Variants in PFKFB1 observed in about 807,000 individuals in gnomAD.
The protein encoded by PFKFB1 is 6-phosphofructo-2-kinase/fructose-2,6-biphosphatase 1.
A neutral mutation model predicts 46.4 loss-of-function variants in PFKFB1; 34 were observed. That is an observed-to-expected ratio of 0.73 (90% CI 0.56 to 0.98). PFKFB1 has a LOEUF of 0.98. PFKFB1 is among the 50% of genes least tolerant of loss of function. The pLI is 0.00. For missense variants in PFKFB1, 393 were observed against 376.3 expected, an observed-to-expected ratio of 1.04 and a Z score of -0.37; for synonymous variants, 119 against 133.8, an observed-to-expected ratio of 0.89 and a Z score of 0.76.
At chrX:54,971,666 C>T (rs1348404361) in intron 1 of PFKFB1, among the ~76,000 whole-genome samples, 2 of 111,774 alleles carry the variant, frequency 1.8e-5, no homozygotes, top group Non-Finnish European at 3.8e-5. Context: ...GGCATTATTT[C>T]TGAGGGCTCT....
Position 54,963,363 on chromosome X carries a change from G to A in PFKFB1, c.117C>T (p.Thr39=), listed in dbSNP as rs1403031398. The A allele has an allele frequency of 5.0e-6, 6 of 1,209,275 alleles. No individual in the cohort carries two copies. The highest frequency in any genetic ancestry group is 3.0e-5 in the East Asian group (1 of 33,812). Residue 39 remains threonine, a synonymous_variant, in exon 2 of 14, where the codon ACC becomes ACT. Coordinates refer to ENST00000375006, the MANE Select transcript of PFKFB1 (RefSeq NM_002625.4). The part of the protein sequence containing the change: ...RRRGSSIPQF[T]NSPTMVIMVG... ...CCATGATCACCATTGTGGGGGAATTGGTAAACTGGGGTATGGATGCTGAAA... is the reference window on the plus strand; with the variant it reads ...CCATGATCACCATTGTGGGGGAATTAGTAAACTGGGGTATGGATGCTGAAA...
chrX:54,951,422 C>T (rs1453083154), intron 8 of PFKFB1, among the ~76,000 whole-genome samples: 1 of 111,995 alleles, frequency 8.9e-6, no homozygotes, highest in Non-Finnish European at 1.9e-5. Context: ...GGGACAGGGG[C>T]TGCCAGTGTG....
Position 54,951,965 on chromosome X carries a change from A to C in PFKFB1, c.786T>G (p.Ser262Arg). 6 of 1,209,992 alleles carry C rather than the reference A, an allele frequency of 5.0e-6. No homozygotes were observed. Among genetic ancestry groups the C allele is most frequent in the Non-Finnish European group, 4.5e-6 (4 of 894,579 alleles). The stretch of plus-strand genomic sequence containing the variant: ...CGATGCGGCCTCTGATGTTGAGTTC[A>C]CTCTCGCCATGTCGGCAAAGGTAGA... ...RSIYLCRHGE[S>R]ELNIRGRIGG... The change falls in exon 8 of 14, where the codon AGT (serine) becomes AGG (arginine). Residue 262 changes from serine to arginine, a missense_variant. Physicochemically the swap from Ser to Arg is moderately radical, Grantham distance 110. Transcript: ENST00000375006.
chrX:54,980,240 G>A (rs763841266), intron 1 of PFKFB1, among the ~76,000 whole-genome samples: 1 of 111,091 alleles, frequency 9.0e-6, no homozygotes, highest in East Asian at 2.9e-4. Context: ...AAGCCACTAC[G>A]TTTTGAGGTT....
intron 1 of PFKFB1, among the ~76,000 whole-genome samples, chrX:54,982,713 T>A (rs1935025587): frequency 9.0e-6 from 1 of 111,184 alleles, no homozygotes; most frequent in Non-Finnish European, 1.9e-5. Flanking sequence ...ACCAATCCTC[T>A]GCAGATACTG....
At chrX:54,944,814 A>G (rs972840408) in intron 10 of PFKFB1, among the ~76,000 whole-genome samples, 2 of 112,475 alleles carry the variant, frequency 1.8e-5, no homozygotes, top group African/African-American at 6.4e-5. Context: ...AAAGTGTTGT[A>G]TAACTGAATA....
chrX:54,980,748 C>CAA (rs1934963625), intron 1 of PFKFB1, among the ~76,000 whole-genome samples: 1 of 109,768 alleles, frequency 9.1e-6, no homozygotes, highest in Non-Finnish European at 1.9e-5. Flanking sequence ...CACACACACA[C>CAA]ACACACACGA....
At chrX:54,986,644 TCAA>T (rs1255999989) in intron 1 of PFKFB1, among the ~76,000 whole-genome samples, 2 of 111,442 alleles carry the variant, frequency 1.8e-5, no homozygotes, top group African/African-American at 3.3e-5. Flanking sequence ...ACATAGAAGA[TCAA>T]CAACAGGGAA....
chrX:54,946,693 T>C (rs1384552777), intron 9 of PFKFB1, among the ~76,000 whole-genome samples: 2 of 112,212 alleles, frequency 1.8e-5, no homozygotes, highest in African/African-American at 3.2e-5. Context: ...CTGTCGCCTA[T>C]GGAAATGGTC....
chrX:54,936,566 A>G (rs1235376855), intron 11 of PFKFB1, among the ~76,000 whole-genome samples: 1 of 111,458 alleles, frequency 9.0e-6, no homozygotes, highest in Non-Finnish European at 1.9e-5. Flanking sequence ...TGGGTCTCCC[A>G]TTTCCTCATC....
intron 10 of PFKFB1, among the ~76,000 whole-genome samples, chrX:54,944,626 C>T (rs999334744): frequency 9.0e-6 from 1 of 111,621 alleles, no homozygotes; most frequent in Non-Finnish European, 1.9e-5. Flanking sequence ...AAAGGATTAT[C>T]GAGGAGAAAG....
chrX:54,963,436 G>T, intron 1 of PFKFB1, 54 bp from the exon 2 acceptor site: 1 of 1,144,080 alleles, frequency 8.7e-7, no homozygotes, highest in Admixed American at 2.3e-5. Context: ...AGGCTCTTCT[G>T]GTATTAGGCC....
At chrX:54,986,504 G>A (rs1341213888) in intron 1 of PFKFB1, among the ~76,000 whole-genome samples, 2 of 111,489 alleles carry the variant, frequency 1.8e-5, no homozygotes, top group Admixed American at 9.6e-5. Flanking sequence ...AAGTATAAAC[G>A]TATATGCCTA....
chrX:54,951,085 C>A (rs1379740155), intron 8 of PFKFB1, among the ~76,000 whole-genome samples: 1 of 113,166 alleles, frequency 8.8e-6, no homozygotes, highest in Non-Finnish European at 1.9e-5. Flanking sequence ...AACAACTGTC[C>A]TTCCTGCACT....
chrX:54,977,733 G>C (rs751022403), intron 1 of PFKFB1, among the ~76,000 whole-genome samples: 42 of 110,670 alleles, frequency 3.8e-4, no homozygotes, highest in African/African-American at 1.3e-3. Context: ...TCAATTACAG[G>C]AACCATGGTT....
Position 54,958,892 on chromosome X carries a change from G to A in PFKFB1, c.418C>T (p.Arg140Trp), listed in dbSNP as rs747113593. The part of the protein sequence containing the change: ...FDATNTTRER[R>W]SLILQFAKEH... The stretch of plus-strand genomic sequence containing the variant: ...TTTGCAAACTGCAGGATCAGTGACC[G>A]TCGTTCTCTGGTAGTGTTGGTGGCA... Residue 140 changes from arginine (R) to tryptophan (W), a missense_variant, in exon 5 of 14, where the codon CGG (arginine) becomes TGG (tryptophan). Coordinates refer to ENST00000375006, the MANE Select transcript of PFKFB1 (RefSeq NM_002625.4). 14 of 1,196,231 alleles carry A rather than the reference G, an allele frequency of 1.2e-5. No individual in the cohort carries two copies. In the African/African-American group the frequency reaches 1.6e-4, roughly 14 times the overall value.
upstream of PFKFB1, chrX:54,994,197 C>A: frequency 1.9e-6 from 2 of 1,056,044 alleles, no homozygotes; most frequent in African/African-American, 1.9e-5. Flanking sequence ...CTGGTCCTAG[C>A]CTGCCTCTGC....
rs754553897 is a variant in PFKFB1 at position 54,963,297 on chromosome X, C to A, written c.183G>T (p.Lys61Asn). Residue 61 changes from lysine (K) to asparagine (N), a missense_variant, in exon 2 of 14, where the codon AAG becomes AAT. Coordinates refer to ENST00000375006, the MANE Select transcript of PFKFB1 (RefSeq NM_002625.4). ...PARGKTYIST[K>N]LTRYLNWIGT... ...CTATCCAGTTGAGATATCGTGTGAG[C>A]TTTGTGGAGATATAGGTCTTGCCTC... 5.8e-6 allele frequency: 7 copies of A among 1,209,125 alleles called. No individual in the cohort carries two copies. In the South Asian group the frequency reaches 8.8e-5, roughly 15 times the overall value.
intron 1 of PFKFB1, among the ~76,000 whole-genome samples, chrX:54,992,445 C>T (rs1254826059): frequency 9.0e-6 from 1 of 111,509 alleles, no homozygotes; most frequent in Non-Finnish European, 1.9e-5. Context: ...AGAGAGTTGT[C>T]CAAGGTCACA....
Sources: allele counts gnomAD v4.1 joint callset (sites outside exome capture counted in the v4.1 genomes callset), GRCh38; gene constraint gnomAD v4.1.1; transcripts MANE v1.5; gene names NCBI Gene and HGNC (gene_info 2026-07-23, HGNC 2026-07-21).